Variants in TMEM132C observed in about 807,000 individuals in gnomAD.
The protein encoded by TMEM132C is transmembrane protein 132C, also known as protein phosphatase 1, regulatory subunit 152.
In TMEM132C, 29 loss-of-function variants were observed where a neutral mutation model predicts 61.4. The observed-to-expected ratio is 0.47, with a 90% CI of 0.35 to 0.64. The LOEUF (loss-of-function observed/expected upper bound fraction) is 0.64, where lower values mean the gene tolerates loss of function less well. Ranked by LOEUF, TMEM132C falls within the 30% of genes least tolerant of loss-of-function variation. The pLI, the probability that TMEM132C is intolerant of heterozygous loss-of-function variation, is 0.00. For synonymous variants in TMEM132C, 656 were observed against 633.1 expected, an observed-to-expected ratio of 1.04 and a Z score of -0.54; for missense variants, 1,408 against 1,476.9, an observed-to-expected ratio of 0.95 and a Z score of 0.76.
chr12:128,579,252 A>G (rs1875241334), intron 3 of TMEM132C, among the ~76,000 whole-genome samples: 1 of 152,196 alleles, frequency 6.6e-6, no homozygotes, highest in African/African-American at 2.4e-5. Context: ...CCCTCCCTAC[A>G]TATCTCACTG....
intron 1 of TMEM132C, among the ~76,000 whole-genome samples, chr12:128,279,030 G>T (rs1870793776): frequency 1.3e-5 from 2 of 152,172 alleles, no homozygotes; most frequent in South Asian, 4.2e-4. Flanking sequence ...ATAATTGCAT[G>T]AGCCAATACC....
At chr12:128,449,101 T>C (rs373767003) in intron 2 of TMEM132C, among the ~76,000 whole-genome samples, 116 of 128,464 alleles carry the variant, frequency 9.0e-4, no homozygotes, top group East Asian at 7.1e-3. Flanking sequence ...CACGCCACTG[T>C]ACTCCAGCCT....
rs561556966 is a variant in TMEM132C, at chr12:128,375,572, A to C, written c.86-39160A>C. 1.3e-4 allele frequency among the ~76,000 whole-genome samples: 20 copies of C among 152,198 alleles called. No individual in the cohort carries two copies. The South Asian group carries it at 3.3e-3, about 25-fold the overall frequency. On this transcript the variant is annotated intron_variant, in intron 1 of 8. Transcript: ENST00000435159. ...TCTCCTTTCTTTTTATAAGGAAACA[A>C]GCCATTAGATTTAGGGCCCACCCTA...
rs532073502 is a variant in TMEM132C, at chr12:128,517,013, G to A, written c.975-26944G>A. On this transcript the variant is annotated intron_variant, in intron 2 of 8. Transcript: ENST00000435159. ...GAGGCAGGCGGATCACTTGACGTCA[G>A]GAATTTGAAACCAGCCTGGCCAACA... Among the ~76,000 whole-genome samples the A allele has an allele frequency of 4.0e-5, 6 of 151,246 alleles. No individual in the cohort carries two copies. The South Asian group carries it at 1.0e-3, about 26-fold the overall frequency.
chr12:128,693,359 G>T (rs150518230), intron 5 of TMEM132C, among the ~76,000 whole-genome samples: 503 of 152,330 alleles, frequency 3.3e-3, no homozygotes, highest in Non-Finnish European at 5.8e-3. Context: ...AGCCCACCCA[G>T]ATTTCAGCTA....
intron 3 of TMEM132C, among the ~76,000 whole-genome samples, chr12:128,546,554 T>C (rs1873957415): frequency 6.6e-6 from 1 of 152,040 alleles, no homozygotes; most frequent in Admixed American, 6.5e-5. Context: ...TGTGCATGAG[T>C]TTCCACAGTC....
chr12:128,306,496 CT>C (rs1287521556), intron 1 of TMEM132C, among the ~76,000 whole-genome samples: 16 of 152,176 alleles, frequency 1.1e-4, no homozygotes, highest in Non-Finnish European at 2.2e-4. Flanking sequence ...GCCACCGCAC[CT>C]GGCCACCCTG....
intron 1 of TMEM132C, among the ~76,000 whole-genome samples, chr12:128,316,335 C>T (rs1363482204): frequency 6.6e-6 from 1 of 152,162 alleles, no homozygotes; most frequent in Non-Finnish European, 1.5e-5. Flanking sequence ...GGGCGAGGTT[C>T]CCTTCCTCTT....
intron 4 of TMEM132C, among the ~76,000 whole-genome samples, chr12:128,628,187 A>G (rs1480264277): frequency 1.3e-5 from 2 of 152,028 alleles, no homozygotes; most frequent in Non-Finnish European, 2.9e-5. Flanking sequence ...CCCCTGCTCA[A>G]TGCTGACCCC....
At chr12:128,413,851 T>A (rs1460345956) in intron 1 of TMEM132C, among the ~76,000 whole-genome samples, 1 of 152,232 alleles carries the variant, frequency 6.6e-6, no homozygotes, top group Non-Finnish European at 1.5e-5. Flanking sequence ...GCAAATTTTT[T>A]AATTATACAG....
intron 5 of TMEM132C, among the ~76,000 whole-genome samples, chr12:128,683,880 C>G (rs1191347016): frequency 6.6e-6 from 1 of 152,124 alleles, no homozygotes; most frequent in East Asian, 1.9e-4. Flanking sequence ...CCAGGAGAAT[C>G]TCTTGAACCC....
intron 4 of TMEM132C, among the ~76,000 whole-genome samples, chr12:128,629,296 C>T (rs1954045940): frequency 6.6e-6 from 1 of 152,076 alleles, no homozygotes. Context: ...AGGAAGGTGG[C>T]TTGAGCCCAG....
intron 4 of TMEM132C, among the ~76,000 whole-genome samples, chr12:128,643,078 C>T (rs184709963): frequency 5.8e-4 from 88 of 152,268 alleles, no homozygotes; most frequent in Non-Finnish European, 8.7e-4. Flanking sequence ...ACCATGGCGT[C>T]GACGCACCAG....
intron 3 of TMEM132C, among the ~76,000 whole-genome samples, chr12:128,554,377 T>G (rs1874267259): frequency 6.6e-6 from 1 of 152,250 alleles, no homozygotes; most frequent in Admixed American, 6.5e-5. Context: ...TCTAGAGCCT[T>G]CCCAGGTGGG....
chr12:128,635,567 C>T (rs1211131842), intron 4 of TMEM132C, among the ~76,000 whole-genome samples: 1 of 151,174 alleles, frequency 6.6e-6, no homozygotes, highest in African/African-American at 2.4e-5. Context: ...TTGTGCCTTC[C>T]AAGCACACAT....
At chr12:128,417,352 G>A (rs1868816454) in intron 2 of TMEM132C, among the ~76,000 whole-genome samples, 1 of 152,122 alleles carries the variant, frequency 6.6e-6, no homozygotes, top group Admixed American at 6.5e-5. Flanking sequence ...CGTCTACCAG[G>A]GTGAGCATGA....
At chr12:128,580,733 C>T (rs1025936412) in intron 3 of TMEM132C, among the ~76,000 whole-genome samples, 4 of 152,200 alleles carry the variant, frequency 2.6e-5, no homozygotes, top group Non-Finnish European at 5.9e-5. Context: ...GTCCCCACCG[C>T]TCCCTGAGAC....
At chr12:128,594,310 T>G (rs543149738) in intron 3 of TMEM132C, among the ~76,000 whole-genome samples, 2 of 152,164 alleles carry the variant, frequency 1.3e-5, no homozygotes, top group South Asian at 4.2e-4. Flanking sequence ...CCACGTGCTA[T>G]GGGCTGCATA....
At chr12:128,277,558 A>G (rs1870734231) in intron 1 of TMEM132C, among the ~76,000 whole-genome samples, 1 of 152,190 alleles carries the variant, frequency 6.6e-6, no homozygotes, top group African/African-American at 2.4e-5. Context: ...TGGGCACAGG[A>G]ATTCTGGGAG....
Sources: allele counts gnomAD v4.1 joint callset (sites outside exome capture counted in the v4.1 genomes callset), GRCh38; gene constraint gnomAD v4.1.1; transcripts MANE v1.5; gene names NCBI Gene and HGNC (gene_info 2026-07-23, HGNC 2026-07-21).